Variants in TENM1 observed in about 807,000 individuals in gnomAD.
The protein encoded by TENM1 is teneurin-1.
In TENM1, 35 loss-of-function variants were observed where a neutral mutation model predicts 174.8. That is an observed-to-expected ratio of 0.20 (90% confidence interval 0.15 to 0.27). TENM1 has a LOEUF of 0.27. TENM1 is among the 10% of genes least tolerant of loss of function. The pLI, the probability that TENM1 is intolerant of heterozygous loss-of-function variation, is 1.00. For missense variants in TENM1, 1,633 were observed against 2,130.1 expected (o/e 0.77, Z 4.59); for synonymous variants, 781 against 798.7 (o/e 0.98, Z 0.37).
chrX:124,568,106 A>T (rs2148180817), intron 11 of TENM1, among the ~76,000 whole-genome samples: 1 of 111,996 alleles, frequency 8.9e-6, no homozygotes, highest in Admixed American at 9.5e-5. Flanking sequence ...TAATGTAACA[A>T]TTTTTTAAAT....
intron 1 of TENM1, among the ~76,000 whole-genome samples, chrX:124,903,081 T>C (rs1329249325): frequency 8.9e-6 from 1 of 111,965 alleles, no homozygotes; most frequent in East Asian, 2.8e-4. Context: ...CCTGTGGTTA[T>C]AAGATGACTT....
chrX:124,406,364 A>G (rs756199100), exon 26 of TENM1: 1 of 1,210,554 alleles, frequency 8.3e-7, no homozygotes, highest in Non-Finnish European at 1.1e-6. Flanking sequence ...GTTGGTTGAC[A>G]TGAGGACATT....
chrX:124,652,481 T>C (rs1457546412), intron 7 of TENM1, among the ~76,000 whole-genome samples: 4 of 111,515 alleles, frequency 3.6e-5, no homozygotes, highest in African/African-American at 1.3e-4. Flanking sequence ...ATTATAAACC[T>C]TTCAGTTTGA....
At chrX:124,767,153 T>C (rs1569435307) in intron 3 of TENM1, among the ~76,000 whole-genome samples, 1 of 111,643 alleles carries the variant, frequency 9.0e-6, no homozygotes, top group African/African-American at 3.2e-5. Flanking sequence ...ACATGCTTCC[T>C]TTGCTTTGAT....
the TENM1 span, among the ~76,000 whole-genome samples, chrX:125,084,180 C>G: frequency 1.1e-4 from 12 of 110,193 alleles, no homozygotes; most frequent in Non-Finnish European, 2.3e-4. Context: ...GACACACATG[C>G]ACAGGATTCC....
chrX:124,381,030 T>C lies in TENM1; in HGVS notation c.7705A>G (p.Asn2569Asp), dbSNP rs1023158507. The change falls in exon 32 of 32, where the codon AAC (asparagine) becomes GAC (aspartate). Residue 2569 changes from asparagine (N) to aspartate (D), a missense_variant. Around this residue, in one of 4 missense-constraint regions of TENM1, gnomAD observed 807 missense variants for 1,125.3 expected, o/e 0.72. Transcript: ENST00000422452. ...CTCCCCTCTATGGTAAAATGTAGGT[T>C]TTCCAGGTAATGGGCATTATTGAGA... 5.0e-6 allele frequency: 6 copies of C among 1,210,203 alleles called. No homozygotes were observed. The Admixed American group carries it at 1.1e-4, about 22-fold the overall frequency.
chrX:124,446,061 C>G (rs2060962188), intron 23 of TENM1, among the ~76,000 whole-genome samples: 1 of 112,475 alleles, frequency 8.9e-6, no homozygotes, highest in Non-Finnish European at 1.9e-5. Flanking sequence ...ATTGTCAAAG[C>G]AAATTTCATT....
At chrX:124,607,055 G>T (rs182561351) in intron 11 of TENM1, among the ~76,000 whole-genome samples, 48 of 110,339 alleles carry the variant, frequency 4.4e-4, no homozygotes, top group Admixed American at 3.7e-3. Context: ...AAACATTAAG[G>T]AATGAGACAA....
chrX:125,155,512 A>G, the TENM1 span, among the ~76,000 whole-genome samples: 2 of 103,629 alleles, frequency 1.9e-5, no homozygotes, highest in African/African-American at 7.3e-5. Flanking sequence ...GGCTCCGTGG[A>G]GCAGGGGGTG....
intron 4 of TENM1, among the ~76,000 whole-genome samples, chrX:124,723,937 T>C (rs1341223199): frequency 9.0e-6 from 1 of 111,649 alleles, no homozygotes; most frequent in Non-Finnish European, 1.9e-5. Context: ...ACGTAACTGA[T>C]GACCCTGTGG....
At chrX:124,484,769 A>G (rs745680265) in intron 21 of TENM1, among the ~76,000 whole-genome samples, 37 of 110,799 alleles carry the variant, frequency 3.3e-4, no homozygotes, top group Non-Finnish European at 6.4e-4. Context: ...CATTTCTCCA[A>G]AGACTCCCCT....
the TENM1 span, among the ~76,000 whole-genome samples, chrX:125,163,883 A>G: frequency 8.9e-6 from 1 of 111,739 alleles, no homozygotes; most frequent in Non-Finnish European, 1.9e-5. Flanking sequence ...TAATTCTAAC[A>G]TATCTTAGTA....
In TENM1 at chrX:124,380,710, C is replaced by A; in HGVS notation, c.8025G>T (p.Glu2675Asp). The A allele has an allele frequency of 6.6e-6, 8 of 1,211,680 alleles. No homozygotes were observed. The East Asian group carries it at 8.9e-5, about 13-fold the overall frequency. Residue 2675 changes from glutamate to aspartate, a missense_variant, in exon 32 of 32, where the codon GAG becomes GAT. This residue lies in a region of TENM1 where 807 missense variants were observed against 1,125.3 expected (regional missense o/e 0.72). Coordinates refer to ENST00000422452, the Ensembl canonical transcript of TENM1. Reference sequence around the variant, plus strand: ...TCCATGCCCTAATCCCCTCTTCCCCCTCTTGCAGCCTTCTTTGTTCCTTAG... The same window carrying A: ...TCCATGCCCTAATCCCCTCTTCCCCATCTTGCAGCCTTCTTTGTTCCTTAG...
At chrX:124,936,508 T>A (rs372483144) in intron 1 of TENM1, among the ~76,000 whole-genome samples, 59 of 112,170 alleles carry the variant, frequency 5.3e-4, no homozygotes, top group African/African-American at 1.7e-3. Context: ...CCCTAAGTAG[T>A]TTATCAGCTC....
At chrX:124,895,703 G>A (rs2057550730) in intron 2 of TENM1, among the ~76,000 whole-genome samples, 1 of 111,910 alleles carries the variant, frequency 8.9e-6, no homozygotes, top group African/African-American at 3.2e-5. Context: ...GAAAATAAAA[G>A]GTGAGTAATA....
chrX:124,921,580 C>A (rs1251858795), intron 1 of TENM1, among the ~76,000 whole-genome samples: 2 of 111,551 alleles, frequency 1.8e-5, no homozygotes, highest in African/African-American at 6.5e-5. Flanking sequence ...TGCTGGACAT[C>A]CAAGTTGCTT....
At chrX:125,076,204 T>TA in the TENM1 span, among the ~76,000 whole-genome samples, 1 of 111,755 alleles carries the variant, frequency 8.9e-6, no homozygotes, top group South Asian at 3.7e-4. Context: ...CATCATACCC[T>TA]AACAGATCTC....
At chrX:124,920,992 C>CTT (rs57791567) in intron 1 of TENM1, among the ~76,000 whole-genome samples, 1 of 85,835 alleles carries the variant, frequency 1.2e-5, no homozygotes, top group Non-Finnish European at 2.3e-5. Flanking sequence ...TATAACAAGA[C>CTT]TTTTTTTTTT....
At chrX:124,895,748 A>G (rs2057551581) in intron 2 of TENM1, among the ~76,000 whole-genome samples, 1 of 112,268 alleles carries the variant, frequency 8.9e-6, no homozygotes, top group African/African-American at 3.2e-5. Context: ...ATTACATGAG[A>G]TTATTTCCCT....
Sources: allele counts gnomAD v4.1 joint callset (sites outside exome capture counted in the v4.1 genomes callset), GRCh38; gene constraint gnomAD v4.1.1; regional missense constraint gnomAD v4.1.1; transcripts MANE v1.5; gene names NCBI Gene and HGNC (gene_info 2026-07-23, HGNC 2026-07-21).